The following GUCY2C variants were observed in gnomAD, a reference collection of about 807,000 sequenced individuals.
GUCY2C encodes the protein guanylate cyclase 2C.
GUCY2C carries 118 observed loss-of-function variants against 131.1 expected under a neutral mutation model. The observed-to-expected ratio is 0.90, with a 90% CI of 0.78 to 1.05. The LOEUF (loss-of-function observed/expected upper bound fraction) is 1.05. GUCY2C is among the 50% of genes least tolerant of loss of function. The probability of loss-of-function intolerance (pLI) is 0.00; values close to 1 mark genes in which losing one functional copy is unlikely to be tolerated. For synonymous variants in GUCY2C, 452 were observed against 457.8 expected, an observed-to-expected ratio of 0.99 and a Z score of 0.16; for missense variants, 1,161 against 1,304.4, an observed-to-expected ratio of 0.89 and a Z score of 1.69.
chr12:14,661,018 C>T lies in GUCY2C; in HGVS notation c.1327G>A (p.Val443Met), dbSNP rs1334169516. ...MIAVFTLTGA[V>M]VLLLLVALLM... ...AGAGCGACGAGCAGGAGCAGCACCA[C>T]AGCTCCAGTGAGGGTGAAGACTGCA... The change falls in exon 11 of 27, where the codon GTG becomes ATG. Residue 443 changes from valine (V) to methionine (M), a missense_variant. Transcript: ENST00000261170. 2.5e-6 allele frequency: 4 copies of T among 1,613,464 alleles called. No individual in the cohort carries two copies. Among genetic ancestry groups the T allele is most frequent in the Admixed American group, 1.7e-5 (1 of 59,998 alleles).
chr12:14,645,668 T>C (rs1412564064), intron 15 of GUCY2C, among the ~76,000 whole-genome samples: 4 of 152,160 alleles, frequency 2.6e-5, no homozygotes, highest in Non-Finnish European at 5.9e-5. Context: ...AAACAGGCAA[T>C]TGCTATAAGA....
At chr12:14,690,256 C>G (rs1023245130) in intron 1 of GUCY2C, among the ~76,000 whole-genome samples, 3 of 152,222 alleles carry the variant, frequency 2.0e-5, no homozygotes, top group African/African-American at 7.2e-5. Context: ...GCTGGCCTTA[C>G]TGACCAGAAC....
intron 21 of GUCY2C, among the ~76,000 whole-genome samples, chr12:14,624,419 C>T (rs988988662): frequency 6.6e-6 from 1 of 151,676 alleles, no homozygotes; most frequent in African/African-American, 2.4e-5. Flanking sequence ...CCAGCCTGGG[C>T]AACAAGAGTG....
chr12:14,617,420 C>T (rs566198214), intron 24 of GUCY2C, among the ~76,000 whole-genome samples: 21 of 152,228 alleles, frequency 1.4e-4, no homozygotes, highest in African/African-American at 5.1e-4. Flanking sequence ...AGAGTAGTAG[C>T]CTGCGGGACC....
At chr12:14,650,432 G>T (rs1947624241) in intron 15 of GUCY2C, among the ~76,000 whole-genome samples, 1 of 152,174 alleles carries the variant, frequency 6.6e-6, no homozygotes, top group Non-Finnish European at 1.5e-5. Context: ...AATTTTAGTA[G>T]AGATGGGGTT....
intron 21 of GUCY2C, 75 bp from the exon 22 acceptor site, chr12:14,622,272 A>C: frequency 1.1e-6 from 1 of 930,640 alleles, no homozygotes; most frequent in Non-Finnish European, 1.6e-6. Context: ...TCTTTCAGGT[A>C]GTAGTGATTG....
intron 18 of GUCY2C, 87 bp from the exon 19 acceptor site, chr12:14,640,037 C>A: frequency 1.1e-6 from 1 of 887,392 alleles, no homozygotes; most frequent in Non-Finnish European, 1.9e-6. Flanking sequence ...AGTTGATTCA[C>A]TCCCCTGGAT....
At chr12:14,627,753 C>T (rs561855279) in intron 20 of GUCY2C, among the ~76,000 whole-genome samples, 122 of 152,076 alleles carry the variant, frequency 8.0e-4, no homozygotes, top group African/African-American at 2.7e-3. Context: ...AAGTCTCATC[C>T]GGACAGGACA....
At chr12:14,641,307 A>C (rs879112929) in intron 17 of GUCY2C, 88 bp from the exon 18 acceptor site, 754 of 1,272,048 alleles carry the variant, frequency 5.9e-4, no homozygotes, top group East Asian at 1.1e-3. Flanking sequence ...AATTCCCTAC[A>C]CCATCCACTC....
intron 10 of GUCY2C, among the ~76,000 whole-genome samples, chr12:14,668,017 T>A (rs1045698007): frequency 2.7e-5 from 4 of 147,036 alleles, no homozygotes; most frequent in African/African-American, 7.5e-5. Flanking sequence ...TTTTTTTTTT[T>A]TTTTGAGGCA....
At chr12:14,614,844 C>G (rs1565601714) in intron 26 of GUCY2C, 23 bp downstream of exon 26, 1 of 1,477,780 alleles carries the variant, frequency 6.8e-7, no homozygotes, top group East Asian at 2.4e-5. Context: ...TCCTCCCTGT[C>G]CCTGCCACAC....
At chr12:14,677,055 T>C (rs1391917254) in intron 6 of GUCY2C, 84 bp from the exon 7 acceptor site, 2 of 452,966 alleles carry the variant, frequency 4.4e-6, no homozygotes, top group Non-Finnish European at 4.1e-6. Flanking sequence ...TATACCATCA[T>C]CATTGAAAAT....
intron 24 of GUCY2C, among the ~76,000 whole-genome samples, chr12:14,618,782 C>G (rs1228340814): frequency 2.0e-5 from 3 of 152,064 alleles, no homozygotes; most frequent in African/African-American, 7.2e-5. Context: ...GCCTGGGTGA[C>G]AGAACGAGAG....
At chr12:14,692,520 A>G (rs1233844958) in intron 1 of GUCY2C, among the ~76,000 whole-genome samples, 1 of 152,156 alleles carries the variant, frequency 6.6e-6, no homozygotes, top group Admixed American at 6.5e-5. Context: ...CATAAACATA[A>G]CTCTTCAGCA....
intron 25 of GUCY2C, among the ~76,000 whole-genome samples, chr12:14,615,636 T>G (rs974762355): frequency 1.3e-5 from 2 of 149,324 alleles, no homozygotes; most frequent in Non-Finnish European, 3.0e-5. Context: ...GTGATTGATA[T>G]ATATATATAT....
intron 11 of GUCY2C, among the ~76,000 whole-genome samples, chr12:14,660,112 A>G (rs186106197): frequency 2.0e-5 from 3 of 152,238 alleles, no homozygotes; most frequent in Non-Finnish European, 2.9e-5. Flanking sequence ...TGGAGAAAAC[A>G]TCAACCAGTA....
In GUCY2C at chr12:14,612,885, G is replaced by C; in HGVS notation, c.*232C>G. 2.3e-6 allele frequency: 1 copy of C among 430,166 alleles called. No individual in the cohort carries two copies. The highest frequency in any genetic ancestry group is 4.2e-6 in the Non-Finnish European group (1 of 240,876). The allele number at this position is 430,166 out of a possible 1,614,324, so 26.6% of individuals were successfully genotyped here. A position where few individuals can be genotyped will look rare whatever the true frequency, so the allele number is the denominator to read the frequency against. On this transcript the variant is annotated 3_prime_UTR_variant, in exon 27 of 27. Transcript: ENST00000261170. The stretch of plus-strand genomic sequence containing the variant: ...CATTTCTTTTCTTTTCCAGGTAGAA[G>C]CTCCCTGGAACAACTGCTGGAATAA...
chr12:14,690,887 C>T (rs1164366269), intron 1 of GUCY2C, among the ~76,000 whole-genome samples: 5 of 152,194 alleles, frequency 3.3e-5, no homozygotes, highest in Non-Finnish European at 4.4e-5. Context: ...GTCTGGAAAC[C>T]TCAGTCCACA....
chr12:14,658,496 C>T (rs1052038849), intron 11 of GUCY2C, among the ~76,000 whole-genome samples: 27 of 151,930 alleles, frequency 1.8e-4, no homozygotes, highest in Admixed American at 1.1e-3. Context: ...GCCAACGTGG[C>T]GAAACCCTAT....
Sources: allele counts gnomAD v4.1 joint callset (sites outside exome capture counted in the v4.1 genomes callset), GRCh38; gene constraint gnomAD v4.1.1; transcripts MANE v1.5; gene names NCBI Gene and HGNC (gene_info 2026-07-23, HGNC 2026-07-21).